The following GLG1 variants were observed in gnomAD, a reference collection of about 807,000 sequenced individuals.
The protein encoded by GLG1 is Golgi apparatus protein 1.
Under a neutral mutation model 160.5 loss-of-function variants are expected in GLG1, and 38 were observed. That is an observed-to-expected ratio of 0.24 (90% confidence interval 0.18 to 0.31). The LOEUF (loss-of-function observed/expected upper bound fraction) is 0.31. Ranked by LOEUF, GLG1 falls within the 10% of genes least tolerant of loss-of-function variation. GLG1 has a pLI of 1.00. For missense variants in GLG1, 1,373 were observed against 1,505.2 expected, an observed-to-expected ratio of 0.91 and a Z score of 1.45; for synonymous variants, 644 against 543.4, an observed-to-expected ratio of 1.19 and a Z score of -2.57.
intron 1 of GLG1, among the ~76,000 whole-genome samples, chr16:74,573,953 C>T (rs900294176): frequency 1.3e-5 from 2 of 151,966 alleles, no homozygotes; most frequent in Non-Finnish European, 2.9e-5. Flanking sequence ...ACCACTACAC[C>T]CCACTAATTT....
chr16:74,456,455 C>T (rs536416887), intron 25 of GLG1, 194 bp downstream of exon 25: 13 of 550,400 alleles, frequency 2.4e-5, no homozygotes, highest in South Asian at 8.7e-5. Context: ...CCACCGCGCC[C>T]GGCCCTGACC....
intron 17 of GLG1, chr16:74,468,694 G>A (rs1212501553): frequency 6.3e-6 from 3 of 477,406 alleles, no homozygotes; most frequent in Non-Finnish European, 7.7e-6. Context: ...TCCAGTGATT[G>A]GATCACATGC....
intron 1 of GLG1, among the ~76,000 whole-genome samples, chr16:74,566,167 G>A (rs996468822): frequency 6.6e-6 from 1 of 152,152 alleles, no homozygotes; most frequent in Non-Finnish European, 1.5e-5. Flanking sequence ...CTTGGCCAAG[G>A]TTTCTCCACT....
chr16:74,579,382 C>A (rs528855265), intron 1 of GLG1, among the ~76,000 whole-genome samples: 1 of 151,734 alleles, frequency 6.6e-6, no homozygotes, highest in Admixed American at 6.6e-5. Context: ...TGCCAGTGCA[C>A]TCCAGGCTGG....
intron 1 of GLG1, chr16:74,552,475 C>T (rs2018228154): frequency 2.0e-6 from 1 of 494,228 alleles, no homozygotes; most frequent in Non-Finnish European, 4.0e-6. Context: ...TTACCAACGA[C>T]TGTATCCAGT....
intron 1 of GLG1, chr16:74,552,403 G>T (rs2018226082): frequency 3.1e-5 from 18 of 573,088 alleles, no homozygotes; most frequent in South Asian, 2.7e-4. Context: ...AGGCCATGCA[G>T]TCTCTCAAGT....
chr16:74,594,725 A>C (rs1369446015), intron 1 of GLG1, among the ~76,000 whole-genome samples: 1 of 151,580 alleles, frequency 6.6e-6, no homozygotes, highest in Non-Finnish European at 1.5e-5. Flanking sequence ...ACTCATGAAC[A>C]AGATTAGGAG....
At chr16:74,507,523 G>A (rs1189794796) in intron 3 of GLG1, among the ~76,000 whole-genome samples, 1 of 152,152 alleles carries the variant, frequency 6.6e-6, no homozygotes, top group Admixed American at 6.6e-5. Flanking sequence ...GATCACATGA[G>A]GTCAGGATTT....
chr16:74,567,368 C>T (rs1306332456), intron 1 of GLG1, among the ~76,000 whole-genome samples: 3 of 152,032 alleles, frequency 2.0e-5, no homozygotes, highest in Non-Finnish European at 1.5e-5. Flanking sequence ...GTAATGCCAG[C>T]GCTTTAGAAT....
chr16:74,473,462 T>C (rs560528323), intron 13 of GLG1, among the ~76,000 whole-genome samples: 6 of 104,544 alleles, frequency 5.7e-5, no homozygotes, highest in South Asian at 3.4e-4. Flanking sequence ...TTTTGAGACA[T>C]AGAGTCTCGC....
At chr16:74,509,131 AG>A (rs1277731326) in intron 2 of GLG1, among the ~76,000 whole-genome samples, 1 of 151,098 alleles carries the variant, frequency 6.6e-6, no homozygotes, top group Non-Finnish European at 1.5e-5. Context: ...ATGACTATTC[AG>A]ATATATTTTT....
chr16:74,517,465 T>C (rs199907105), intron 2 of GLG1, among the ~76,000 whole-genome samples: 2 of 152,124 alleles, frequency 1.3e-5, no homozygotes, highest in Admixed American at 1.3e-4. Flanking sequence ...ATTATCACAA[T>C]AGATGCAGAA....
Position 74,452,648 on chromosome 16 carries a change from G to C in GLG1, c.*519C>G. 1 of 997,916 alleles carries C rather than the reference G, an allele frequency of 1.0e-6. No homozygotes were observed. Among genetic ancestry groups the C allele is most frequent in the Non-Finnish European group, 1.2e-6 (1 of 836,842 alleles). The allele number at this position is 997,916 out of a possible 1,614,324, so 61.8% of individuals were successfully genotyped here. ...CCTGGCGAGGCCCCAAGGTGCTTCT[G>C]AGAGATGAACGAGACACCTCAGTCA... is the stretch of plus-strand genomic sequence containing the variant. On this transcript the variant is annotated 3_prime_UTR_variant, in exon 26 of 26. Coordinates refer to ENST00000422840, the MANE Select transcript of GLG1 (RefSeq NM_001145667.2).
At position 74,496,546 on chromosome 16, in the gene GLG1, G is replaced by A; in HGVS notation, c.873C>T (p.Cys291=). 6.2e-7 allele frequency: 1 copy of A among 1,613,366 alleles called. No individual in the cohort carries two copies. The highest frequency in any genetic ancestry group is 1.1e-5 in the South Asian group (1 of 91,060). ...REPKIQVSEL[C]KKAILRVAEL... is the part of the protein sequence containing the mutation. ...CAGCCACCCGGAGAATGGCTTTCTT[G>A]CAGAGTTCAGAAACTTGAATCTTGG... The change falls in exon 5 of 26, where the codon TGC becomes TGT. Residue 291 remains cysteine, a synonymous_variant. Transcript: ENST00000422840.
intron 23 of GLG1, 66 bp downstream of exon 23, chr16:74,459,616 A>G (rs2143159390): frequency 1.2e-6 from 1 of 825,764 alleles, no homozygotes; most frequent in East Asian, 2.6e-5. Flanking sequence ...AGACTACAGC[A>G]TTAAAAGGAA....
chr16:74,546,770 G>A (rs188950192), intron 1 of GLG1, among the ~76,000 whole-genome samples: 19 of 134,160 alleles, frequency 1.4e-4, no homozygotes, highest in South Asian at 9.9e-4. Context: ...CCTGGGAAGC[G>A]GAGGTTGCAG....
intron 11 of GLG1, among the ~76,000 whole-genome samples, chr16:74,477,779 G>C (rs1174075193): frequency 6.6e-6 from 1 of 151,908 alleles, no homozygotes; most frequent in Non-Finnish European, 1.5e-5. Flanking sequence ...TTTGAGACCA[G>C]CCTGACCTAC....
At chr16:74,499,820 T>A (rs570273559) in intron 4 of GLG1, among the ~76,000 whole-genome samples, 120 of 152,040 alleles carry the variant, frequency 7.9e-4, no homozygotes, top group African/African-American at 2.8e-3. Context: ...TGGCTAACAC[T>A]GTGAAACCCC....
chr16:74,519,587 T>A (rs1206233366), intron 2 of GLG1, among the ~76,000 whole-genome samples: 1 of 150,452 alleles, frequency 6.6e-6, no homozygotes, highest in Non-Finnish European at 1.5e-5. Context: ...GAAAATTTAG[T>A]CTATAGCTCG....
Sources: allele counts gnomAD v4.1 joint callset (sites outside exome capture counted in the v4.1 genomes callset), GRCh38; gene constraint gnomAD v4.1.1; transcripts MANE v1.5; gene names NCBI Gene and HGNC (gene_info 2026-07-23, HGNC 2026-07-21).